EFCAB6: variants seen among roughly 807,000 people sequenced by gnomAD.
EFCAB6 encodes the protein EF-hand calcium binding domain 6.
In EFCAB6, 156 loss-of-function variants were observed where a neutral mutation model predicts 169.8. That is an observed-to-expected ratio of 0.92 (90% CI 0.81 to 1.05). The LOEUF (loss-of-function observed/expected upper bound fraction) is 1.05, where lower values mean the gene tolerates loss of function less well. Among genes scored for constraint, EFCAB6 ranks in the 50% least tolerant of loss-of-function variants. The pLI, the probability that EFCAB6 is intolerant of heterozygous loss-of-function variation, is 0.00. For missense variants in EFCAB6, 1,800 were observed against 1,829.1 expected (o/e 0.98, Z 0.29); for synonymous variants, 698 against 676.4 (o/e 1.03, Z -0.50).
intron 5 of EFCAB6, among the ~76,000 whole-genome samples, chr22:43,762,038 G>A (rs1466723448): frequency 6.6e-6 from 1 of 152,196 alleles, no homozygotes; most frequent in Non-Finnish European, 1.5e-5. Flanking sequence ...ATAGGTTGAA[G>A]ATGCATTCTT....
At chr22:43,624,107 C>T (rs932192064) in intron 20 of EFCAB6, among the ~76,000 whole-genome samples, 3 of 151,960 alleles carry the variant, frequency 2.0e-5, no homozygotes, top group Non-Finnish European at 4.4e-5. Context: ...TCTCTGAGCC[C>T]GCACTCCTTC....
chr22:43,703,981 G>T (rs1248076800), intron 10 of EFCAB6, among the ~76,000 whole-genome samples: 1 of 152,040 alleles, frequency 6.6e-6, no homozygotes, highest in Non-Finnish European at 1.5e-5. Context: ...TCCCTAATTT[G>T]GGAAAAGATA....
chr22:43,658,843 TAGGAAGCTGTTTGGAAC>T (rs1439234458), intron 17 of EFCAB6, among the ~76,000 whole-genome samples: 1 of 152,108 alleles, frequency 6.6e-6, no homozygotes, highest in Non-Finnish European at 1.5e-5. Flanking sequence ...TCCACAGAAT[TAGGAAGCTGTTTGGAAC>T]AGGAAGCTCA....
chr22:43,639,161 C>A (rs538855274), intron 17 of EFCAB6, among the ~76,000 whole-genome samples: 1 of 152,186 alleles, frequency 6.6e-6, no homozygotes, highest in Non-Finnish European at 1.5e-5. Context: ...TATTCCTATG[C>A]GGTTTTTAAA....
chr22:43,731,052 G>A (rs766815475), intron 8 of EFCAB6, among the ~76,000 whole-genome samples: 1 of 152,134 alleles, frequency 6.6e-6, no homozygotes, highest in Admixed American at 6.5e-5. Context: ...TGAGGAAAAT[G>A]ACCAAAGGCT....
chr22:43,807,442 C>T (rs2062960562), intron 2 of EFCAB6, among the ~76,000 whole-genome samples: 1 of 152,216 alleles, frequency 6.6e-6, no homozygotes, highest in Non-Finnish European at 1.5e-5. Context: ...AAATACACTT[C>T]TTAACCAATG....
At chr22:43,711,448 AT>A in intron 10 of EFCAB6, 26 bp downstream of exon 10, 2 of 1,537,958 alleles carry the variant, frequency 1.3e-6, no homozygotes, top group Non-Finnish European at 1.7e-6. Context: ...GGGGAAAAAA[AT>A]GTCAAGGAAA....
chr22:43,684,763 A>C (rs1016979223), intron 11 of EFCAB6, among the ~76,000 whole-genome samples: 9 of 152,172 alleles, frequency 5.9e-5, no homozygotes, highest in Non-Finnish European at 1.0e-4. Flanking sequence ...CTTTTTCTAT[A>C]GACGGCCAGC....
intron 23 of EFCAB6, among the ~76,000 whole-genome samples, chr22:43,591,335 T>G (rs1347095843): frequency 2.0e-5 from 3 of 151,178 alleles, no homozygotes; most frequent in Non-Finnish European, 2.9e-5. Flanking sequence ...TGGGCACCTG[T>G]AATCCCAGCT....
At chr22:43,614,367 T>G (rs1312806304) in intron 21 of EFCAB6, among the ~76,000 whole-genome samples, 1 of 151,844 alleles carries the variant, frequency 6.6e-6, no homozygotes, top group Non-Finnish European at 1.5e-5. Flanking sequence ...CAAAGGCAAC[T>G]CAACAAAGCA....
intron 4 of EFCAB6, among the ~76,000 whole-genome samples, chr22:43,768,858 A>G (rs984709140): frequency 1.3e-5 from 2 of 152,240 alleles, no homozygotes; most frequent in African/African-American, 4.8e-5. Flanking sequence ...AGCAGGAAAT[A>G]ATATTTTAAC....
At chr22:43,669,083 G>C in intron 15 of EFCAB6, 38 bp from the exon 16 acceptor site, 1 of 1,519,386 alleles carries the variant, frequency 6.6e-7, no homozygotes, top group Non-Finnish European at 8.8e-7. Context: ...ACTCAGTAGA[G>C]TAATTAAAAC....
intron 30 of EFCAB6, among the ~76,000 whole-genome samples, chr22:43,532,573 C>G (rs921779495): frequency 1.4e-5 from 2 of 144,708 alleles, no homozygotes; most frequent in South Asian, 4.5e-4. Context: ...GCAGAACTGT[C>G]TAAAGTCTTT....
intron 10 of EFCAB6, among the ~76,000 whole-genome samples, chr22:43,696,298 G>C (rs1032155405): frequency 2.6e-5 from 4 of 151,990 alleles, no homozygotes; most frequent in Admixed American, 2.6e-4. Context: ...GATGGCAATA[G>C]CAAGTGTTGG....
At chr22:43,633,678 C>T (rs1274246884) in intron 18 of EFCAB6, among the ~76,000 whole-genome samples, 1 of 152,208 alleles carries the variant, frequency 6.6e-6, no homozygotes, top group African/African-American at 2.4e-5. Context: ...GACTTGGTTC[C>T]AGACGTGGTT....
intron 17 of EFCAB6, among the ~76,000 whole-genome samples, chr22:43,635,974 G>A (rs545596438): frequency 2.1e-4 from 32 of 152,350 alleles, no homozygotes; most frequent in South Asian, 1.0e-3. Context: ...CAGAAGGGAT[G>A]CTGGGTGGAT....
intron 10 of EFCAB6, among the ~76,000 whole-genome samples, chr22:43,705,716 C>T (rs1449012162): frequency 6.6e-6 from 1 of 151,976 alleles, no homozygotes; most frequent in Non-Finnish European, 1.5e-5. Context: ...GCACAATATA[C>T]TAAAATATGT....
intron 23 of EFCAB6, among the ~76,000 whole-genome samples, chr22:43,594,294 AAAAAG>A (rs1311901124): frequency 2.7e-5 from 4 of 145,524 alleles, no homozygotes; most frequent in Admixed American, 1.4e-4. Context: ...AAAAAAAAAA[AAAAAG>A]AAAAGACATG....
chr22:43,656,399 A>AG (rs1476929934), intron 17 of EFCAB6, among the ~76,000 whole-genome samples: 1 of 152,132 alleles, frequency 6.6e-6, no homozygotes, highest in African/African-American at 2.4e-5. Context: ...TCTAAAAAAA[A>AG]AAAAGAAAAG....
Sources: gnomAD v4.1 joint callset for allele counts (sites outside exome capture counted in the v4.1 genomes callset) on GRCh38, gnomAD v4.1.1 for gene constraint, MANE v1.5 for transcripts, NCBI Gene and HGNC (gene_info 2026-07-23, HGNC 2026-07-21) for gene names.